The following NR6A1 variants were observed in gnomAD, a reference collection of about 807,000 sequenced individuals.
The protein encoded by NR6A1 is retinoic acid receptor-related testis-associated receptor.
NR6A1 carries 7 observed loss-of-function variants against 59.1 expected under a neutral mutation model. The observed-to-expected ratio is 0.12, with a 90% CI of 0.07 to 0.22. NR6A1 has a LOEUF of 0.22. Among genes scored for constraint, NR6A1 ranks in the 10% least tolerant of loss-of-function variants. The pLI, the probability that NR6A1 is intolerant of heterozygous loss-of-function variation, is 1.00. For missense variants in NR6A1, 468 were observed against 611.6 expected (o/e 0.77, Z 2.48); for synonymous variants, 243 against 236.1 (o/e 1.03, Z -0.27).
intron 2 of NR6A1, among the ~76,000 whole-genome samples, chr9:124,575,080 G>A (rs1834550526): frequency 6.6e-6 from 1 of 152,062 alleles, no homozygotes; most frequent in Non-Finnish European, 1.5e-5. Flanking sequence ...ATTGAAATAT[G>A]GGCTTTCCCT....
intron 2 of NR6A1, among the ~76,000 whole-genome samples, chr9:124,721,305 G>A (rs1013389294): frequency 2.6e-5 from 4 of 152,172 alleles, no homozygotes; most frequent in Non-Finnish European, 5.9e-5. Context: ...AATAGGGGCA[G>A]AGGTCAAGGG....
At chr9:124,621,212 A>T (rs1050222711) in intron 2 of NR6A1, among the ~76,000 whole-genome samples, 10 of 152,344 alleles carry the variant, frequency 6.6e-5, no homozygotes, top group Non-Finnish European at 1.5e-4. Flanking sequence ...TGCACTTAAG[A>T]AATCTGACAT....
intron 2 of NR6A1, among the ~76,000 whole-genome samples, chr9:124,707,100 C>A (rs1000546453): frequency 6.6e-6 from 1 of 151,932 alleles, no homozygotes; most frequent in Non-Finnish European, 1.5e-5. Context: ...TATTTTCCTG[C>A]CCCTTTCTCT....
chr9:124,526,038 G>A (rs979980391), intron 8 of NR6A1, among the ~76,000 whole-genome samples: 2 of 152,222 alleles, frequency 1.3e-5, no homozygotes, highest in African/African-American at 4.8e-5. Context: ...AGGCCAAGAG[G>A]AGAGGAGCTC....
chr9:124,757,251 C>T lies in NR6A1; in HGVS notation c.100+13769G>A, dbSNP rs138636826. On this transcript the variant is annotated intron_variant, in intron 1 of 9. Coordinates refer to ENST00000487099, the MANE Select transcript of NR6A1 (RefSeq NM_033334.4). ...AAATAAGCCAAGATAAAAGCAAGCA[C>T]AAGATGGTGTGAGAAGTACTATTAT... Among the ~76,000 whole-genome samples, 5 of 151,926 alleles carry T rather than the reference C, an allele frequency of 3.3e-5. No homozygotes were observed. The East Asian group carries it at 9.7e-4, about 29-fold the overall frequency.
rs1055627817 is a variant in NR6A1, at chr9:124,618,205, G to C, written c.143-63635C>G. Among the ~76,000 whole-genome samples the C allele has an allele frequency of 1.6e-4, 25 of 152,226 alleles. 1 individual carries two copies. Among genetic ancestry groups the C allele is most frequent in the Admixed American group, 8.5e-4 (13 of 15,288 alleles). On this transcript the variant is annotated intron_variant, in intron 2 of 9. Transcript: ENST00000487099. ...ATGAGTTGAAAGGTAACCATGGCCA[G>C]GTACGGTGGCTCACACTTGTTATCC...
In NR6A1 at chr9:124,771,252, C is replaced by T. The variant is rs1053982734; in HGVS notation, c.-133G>A. The T allele has an allele frequency of 1.1e-5, 5 of 442,746 alleles. No homozygotes were observed. Among genetic ancestry groups the T allele is most frequent in the Non-Finnish European group, 1.5e-5 (4 of 267,858 alleles). 27.4% of individuals were successfully genotyped at this position (442,746 alleles called of 1,614,324 possible). ...GCTCCCGGCCGCGGCTCTCTCTGGG[C>T]CCCGAGCCGCCCGGCTCCGCGCCGC... On this transcript the variant is annotated 5_prime_UTR_variant, in exon 1 of 10. Coordinates refer to ENST00000487099, the MANE Select transcript of NR6A1 (RefSeq NM_033334.4).
At chr9:124,568,489 A>C (rs1834341072) in intron 2 of NR6A1, among the ~76,000 whole-genome samples, 1 of 151,938 alleles carries the variant, frequency 6.6e-6, no homozygotes, top group South Asian at 2.1e-4. Flanking sequence ...TCTCAAAAAA[A>C]AAAAACAAAA....
At chr9:124,712,203 T>TG (rs1218197647) in intron 2 of NR6A1, among the ~76,000 whole-genome samples, 1 of 152,220 alleles carries the variant, frequency 6.6e-6, no homozygotes, top group East Asian at 1.9e-4. Flanking sequence ...AGAGCGCTTA[T>TG]GCCCATCTAG....
chr9:124,738,655 G>A (rs1304532454), intron 1 of NR6A1, among the ~76,000 whole-genome samples: 1 of 152,008 alleles, frequency 6.6e-6, no homozygotes. Context: ...GATCACCTGA[G>A]GTCAGGAGTT....
chr9:124,630,803 C>A (rs1030048606), intron 2 of NR6A1, among the ~76,000 whole-genome samples: 2 of 151,518 alleles, frequency 1.3e-5, no homozygotes, highest in African/African-American at 4.9e-5. Flanking sequence ...CTCAGCCTCC[C>A]GAGTGGCTGG....
chr9:124,702,902 T>A (rs549606018), intron 2 of NR6A1, among the ~76,000 whole-genome samples: 2,146 of 145,728 alleles, frequency 0.015, 30 homozygotes, highest in Non-Finnish European at 0.019. Flanking sequence ...AATAGGCAAA[T>A]TTTTTTTTTT....
At chr9:124,764,255 T>C (rs1401102940) in intron 1 of NR6A1, among the ~76,000 whole-genome samples, 2 of 152,288 alleles carry the variant, frequency 1.3e-5, no homozygotes, top group Admixed American at 6.5e-5. Context: ...CTATGCTTCA[T>C]TTTGCGGTAG....
chr9:124,540,253 G>C (rs1833405277), intron 4 of NR6A1, 66 bp from the exon 5 acceptor site: 1 of 1,503,342 alleles, frequency 6.7e-7, no homozygotes, highest in East Asian at 2.3e-5. Flanking sequence ...TCAGGACTGA[G>C]AGCTTATTTA....
At chr9:124,559,677 T>C (rs543923017) in intron 2 of NR6A1, among the ~76,000 whole-genome samples, 136 of 152,270 alleles carry the variant, frequency 8.9e-4, no homozygotes, top group Non-Finnish European at 1.6e-3. Flanking sequence ...CTCGGGAGGC[T>C]GAGGCAGGAG....
intron 1 of NR6A1, among the ~76,000 whole-genome samples, chr9:124,765,808 T>C (rs1840919310): frequency 6.6e-6 from 1 of 152,208 alleles, no homozygotes; most frequent in Non-Finnish European, 1.5e-5. Context: ...TAATAGCAGG[T>C]AACAAAGAAT....
intron 1 of NR6A1, among the ~76,000 whole-genome samples, chr9:124,742,372 G>A (rs1443468311): frequency 6.6e-6 from 1 of 152,086 alleles, no homozygotes; most frequent in Non-Finnish European, 1.5e-5. Flanking sequence ...AGACCAGCCT[G>A]GCAAGATGGA....
chr9:124,668,042 T>C (rs1767299264), intron 2 of NR6A1, among the ~76,000 whole-genome samples: 1 of 152,184 alleles, frequency 6.6e-6, no homozygotes, highest in Non-Finnish European at 1.5e-5. Context: ...AAAATCCATG[T>C]ATAATTTTTG....
rs550685942 is a variant in NR6A1 at position 124,755,666 on chromosome 9, AT to A, written c.100+15353del. On this transcript the variant is annotated intron_variant, in intron 1 of 9. Coordinates refer to ENST00000487099, the MANE Select transcript of NR6A1 (RefSeq NM_033334.4). ...AGGCTCTCTAAACAGCTGCGAATAT[AT>A]TCTACCCTTTTGGTAAGCAGAAAAG... is the stretch of plus-strand genomic sequence containing the variant. Among the ~76,000 whole-genome samples the A allele has an allele frequency of 6.0e-4, 91 of 152,352 alleles. 1 individual carries two copies. In the South Asian group the frequency reaches 0.018, roughly 31 times the overall value.
Sources: gnomAD v4.1 joint callset for allele counts (sites outside exome capture counted in the v4.1 genomes callset) on GRCh38, gnomAD v4.1.1 for gene constraint, MANE v1.5 for transcripts, NCBI Gene and HGNC (gene_info 2026-07-23, HGNC 2026-07-21) for gene names.